The following KIF16B variants were observed in gnomAD, a reference collection of about 807,000 sequenced individuals.
KIF16B encodes kinesin family member 16B, also known as kinesin-like protein KIF16B.
In KIF16B, 98 loss-of-function variants were observed where a neutral mutation model predicts 156.3. The ratio of observed to expected loss-of-function variants is 0.63; its 90% CI spans 0.53 to 0.74. The LOEUF is 0.74. Among genes scored for constraint, KIF16B ranks in the 30% least tolerant of loss-of-function variants. The pLI is 0.00. For synonymous variants in KIF16B, 564 were observed against 583.7 expected, an observed-to-expected ratio of 0.97 and a Z score of 0.49; for missense variants, 1,421 against 1,606.5, an observed-to-expected ratio of 0.88 and a Z score of 1.97.
chr20:16,392,191 C>T (rs1176495602), intron 17 of KIF16B, among the ~76,000 whole-genome samples: 1 of 152,128 alleles, frequency 6.6e-6, no homozygotes, highest in East Asian at 1.9e-4. Flanking sequence ...GAAGAGCCTA[C>T]CAGAGAGTCT....
In KIF16B at chr20:16,497,590, A is replaced by G. The variant is rs755644023; in HGVS notation, c.1242+23T>C. The G allele has an allele frequency of 1.9e-6, 3 of 1,566,848 alleles. No individual in the cohort carries two copies. In the South Asian group the frequency reaches 3.4e-5, roughly 18 times the overall value. On this transcript the variant is annotated intron_variant, in intron 11 of 25. Coordinates refer to ENST00000354981, the MANE Select transcript of KIF16B (RefSeq NM_024704.5). ...TAATAGTAAAAGTTATGATTTAAAAATATAAGTCAAAGTATCACTTACTCT... is the reference window on the plus strand; with the variant it reads ...TAATAGTAAAAGTTATGATTTAAAAGTATAAGTCAAAGTATCACTTACTCT...
At chr20:16,343,908 G>A (rs976872493) in intron 23 of KIF16B, among the ~76,000 whole-genome samples, 2 of 151,852 alleles carry the variant, frequency 1.3e-5, no homozygotes, top group African/African-American at 4.8e-5. Context: ...TAAATACTAT[G>A]TACAGTTAGT....
chr20:16,449,894 A>G (rs1170829961), intron 12 of KIF16B, among the ~76,000 whole-genome samples: 2 of 152,208 alleles, frequency 1.3e-5, no homozygotes, highest in African/African-American at 4.8e-5. Flanking sequence ...CATGAAAGTG[A>G]ACCAGAAATA....
intron 12 of KIF16B, among the ~76,000 whole-genome samples, chr20:16,446,941 A>C (rs1016699472): frequency 8.5e-5 from 13 of 152,220 alleles, no homozygotes; most frequent in Non-Finnish European, 1.8e-4. Context: ...ACCCATATTC[A>C]CCAACTCTAC....
chr20:16,293,126 A>AAAACC (rs1298787016), intron 25 of KIF16B, among the ~76,000 whole-genome samples: 2 of 152,222 alleles, frequency 1.3e-5, no homozygotes, highest in East Asian at 3.8e-4. Context: ...CAACAACAAC[A>AAAACC]AAACCTTAAG....
chr20:16,460,426 C>T (rs922821150), intron 12 of KIF16B, among the ~76,000 whole-genome samples: 6 of 152,162 alleles, frequency 3.9e-5, no homozygotes, highest in African/African-American at 1.4e-4. Flanking sequence ...ACAAAATTAG[C>T]CAGGTGTAGT....
chr20:16,566,921 C>T (rs6044127), intron 1 of KIF16B, among the ~76,000 whole-genome samples: 32,201 of 152,110 alleles, frequency 0.21, 3,439 homozygotes, highest in East Asian at 0.28. Flanking sequence ...AGATCAAAAA[C>T]CCAAATGCCC....
chr20:16,377,210 G>A (rs542995012), intron 19 of KIF16B, among the ~76,000 whole-genome samples: 2 of 152,004 alleles, frequency 1.3e-5, no homozygotes. Context: ...TGCTGTGGGT[G>A]GGGGGAGTAC....
intron 12 of KIF16B, among the ~76,000 whole-genome samples, chr20:16,487,822 C>T (rs1355584086): frequency 2.6e-5 from 4 of 152,212 alleles, no homozygotes; most frequent in African/African-American, 9.6e-5. Context: ...TCAATTTAAA[C>T]TTCAGTCATT....
At chr20:16,553,481 T>C (rs1048018835) in intron 1 of KIF16B, among the ~76,000 whole-genome samples, 3 of 152,256 alleles carry the variant, frequency 2.0e-5, no homozygotes, top group East Asian at 1.9e-4. Flanking sequence ...GTGGCTTTTA[T>C]TGAGCCCAAT....
intron 2 of KIF16B, among the ~76,000 whole-genome samples, chr20:16,526,763 T>C (rs969640767): frequency 2.0e-5 from 3 of 152,228 alleles, no homozygotes; most frequent in African/African-American, 7.2e-5. Context: ...CCCCTTGCTA[T>C]ATGCTTAAAG....
chr20:16,279,827 C>A (rs2063119682), intron 25 of KIF16B, among the ~76,000 whole-genome samples: 1 of 152,136 alleles, frequency 6.6e-6, no homozygotes, highest in African/African-American at 2.4e-5. Context: ...ATCTTTTGAA[C>A]CAAAACACAG....
At chr20:16,548,957 A>G (rs769987637) in intron 1 of KIF16B, among the ~76,000 whole-genome samples, 4 of 152,170 alleles carry the variant, frequency 2.6e-5, no homozygotes, top group Non-Finnish European at 5.9e-5. Context: ...AAAGTAAATA[A>G]GGAGTTTTAA....
chr20:16,436,466 G>A (rs942145840), intron 12 of KIF16B, among the ~76,000 whole-genome samples: 3 of 152,186 alleles, frequency 2.0e-5, no homozygotes, highest in Admixed American at 6.5e-5. Context: ...ACTTACAAGA[G>A]AGAGTCAGCT....
chr20:16,278,178 G>GA (rs1406027768), intron 25 of KIF16B, among the ~76,000 whole-genome samples: 1 of 152,172 alleles, frequency 6.6e-6, no homozygotes. Flanking sequence ...AAGAGGCCGA[G>GA]AGAGACAGGG....
intron 12 of KIF16B, among the ~76,000 whole-genome samples, chr20:16,480,031 C>T (rs552592841): frequency 2.6e-5 from 4 of 152,182 alleles, no homozygotes; most frequent in South Asian, 4.2e-4. Context: ...GGGACTCCTT[C>T]GGGGCTAATA....
In KIF16B at chr20:16,379,161, C is replaced by T. The variant is rs528812919; in HGVS notation, c.2841G>A (p.Lys947=). 22 of 1,614,144 alleles carry T rather than the reference C, an allele frequency of 1.4e-5. No homozygotes were observed. Among genetic ancestry groups the T allele is most frequent in the Non-Finnish European group, 1.9e-5 (22 of 1,180,030 alleles). The change falls in exon 19 of 26, where the codon AAG becomes AAA. Residue 947 remains lysine, a synonymous_variant. Coordinates refer to ENST00000354981, the MANE Select transcript of KIF16B (RefSeq NM_024704.5). ...GCTGTTCTTCTTTTTCTTCCATTTC[C>T]TTTTCTACTTGATAAAGAGTGTTGT... The part of the protein sequence containing the change: ...SLDNTLYQVE[K]EMEEKEEQLA...
intron 12 of KIF16B, among the ~76,000 whole-genome samples, chr20:16,477,566 C>T (rs1372748189): frequency 6.6e-6 from 1 of 152,074 alleles, no homozygotes; most frequent in Non-Finnish European, 1.5e-5. Flanking sequence ...TAAAGACGTT[C>T]AGAAATCATG....
intron 1 of KIF16B, among the ~76,000 whole-genome samples, chr20:16,547,618 T>TC (rs5840717): frequency 0.82 from 124,573 of 151,924 alleles, 51,539 homozygotes; most frequent in African/African-American, 0.94. Context: ...CTGGTCTCAC[T>TC]CTGAGCATGC....
Sources: gnomAD v4.1 joint callset for allele counts (sites outside exome capture counted in the v4.1 genomes callset) on GRCh38, gnomAD v4.1.1 for gene constraint, MANE v1.5 for transcripts, NCBI Gene and HGNC (gene_info 2026-07-23, HGNC 2026-07-21) for gene names.